The following SGCZ variants were observed in gnomAD, a reference collection of about 807,000 sequenced individuals.
The protein encoded by SGCZ is sarcoglycan zeta, also known as zeta-sarcoglycan.
SGCZ carries 40 observed loss-of-function variants against 41.3 expected under a neutral mutation model. The ratio of observed to expected loss-of-function variants is 0.97; its 90% confidence interval spans 0.75 to 1.26. SGCZ has a LOEUF of 1.26. Ranked by LOEUF, SGCZ falls within the 50% of genes most tolerant of loss-of-function variation. The probability of loss-of-function intolerance (pLI) is 0.00; values close to 1 mark genes in which losing one functional copy is unlikely to be tolerated. For missense variants in SGCZ, 552 were observed against 369.8 expected, an observed-to-expected ratio of 1.49 and a Z score of -4.04; for synonymous variants, 206 against 137.5, an observed-to-expected ratio of 1.50 and a Z score of -3.49.
intron 2 of SGCZ, among the ~76,000 whole-genome samples, chr8:14,360,720 T>TGTTTCTAG (rs1281003173): frequency 1.3e-5 from 2 of 152,222 alleles, no homozygotes; most frequent in African/African-American, 4.8e-5. Context: ...GCATCTAAAT[T>TGTTTCTAG]GTTTCTAGGT....
At chr8:15,177,246 C>G (rs1800028210) in intron 1 of SGCZ, among the ~76,000 whole-genome samples, 1 of 152,112 alleles carries the variant, frequency 6.6e-6, no homozygotes, top group South Asian at 2.1e-4. Context: ...AAATAAAGGG[C>G]ATTTAGATGT....
At position 14,100,605 on chromosome 8, in the gene SGCZ, TTATATTAA is replaced by T. The variant is rs576593953; in HGVS notation, c.744+1763_744+1770del. On this transcript the variant is annotated intron_variant, in intron 7 of 7. Transcript: ENST00000382080. The stretch of plus-strand genomic sequence containing the variant: ...AAATAATATATTATATTTTATTAAT[TTATATTAA>T]TATATTAATATATTTTCAAAATATT... Among the ~76,000 whole-genome samples the T allele has an allele frequency of 1.2e-3, 177 of 142,314 alleles. 6 individuals are homozygous for T. In the South Asian group the frequency reaches 0.022, roughly 18 times the overall value. 93.4% of individuals were successfully genotyped at this position (142,314 alleles called of 152,430 possible).
chr8:14,170,188 G>T (rs934493129), intron 4 of SGCZ, among the ~76,000 whole-genome samples: 1 of 145,152 alleles, frequency 6.9e-6, no homozygotes, highest in African/African-American at 2.6e-5. Flanking sequence ...ATCTCCCCCC[G>T]CACCGAATCC....
chr8:14,383,921 ATT>A (rs35960880), intron 2 of SGCZ, among the ~76,000 whole-genome samples: 5 of 148,404 alleles, frequency 3.4e-5, no homozygotes, highest in African/African-American at 9.8e-5. Context: ...TTGTTTTGAG[ATT>A]TTTTTTTTAA....
intron 3 of SGCZ, among the ~76,000 whole-genome samples, chr8:14,308,105 T>C (rs1801405082): frequency 6.6e-6 from 1 of 152,106 alleles, no homozygotes; most frequent in Non-Finnish European, 1.5e-5. Context: ...GAACTTGCTA[T>C]TTCAAAGCAA....
intron 2 of SGCZ, among the ~76,000 whole-genome samples, chr8:14,410,479 A>G (rs1799329832): frequency 6.6e-6 from 1 of 152,008 alleles, no homozygotes; most frequent in Admixed American, 6.6e-5. Flanking sequence ...CAAAATTCAC[A>G]GAAGGATGGA....
chr8:14,556,814 T>C (rs1425428752), intron 1 of SGCZ, among the ~76,000 whole-genome samples: 1 of 152,106 alleles, frequency 6.6e-6, no homozygotes, highest in Non-Finnish European at 1.5e-5. Flanking sequence ...ACTGTACATA[T>C]ATATACCACA....
intron 3 of SGCZ, among the ~76,000 whole-genome samples, chr8:14,284,248 C>T (rs1800543802): frequency 6.6e-6 from 1 of 152,080 alleles, no homozygotes; most frequent in Non-Finnish European, 1.5e-5. Context: ...AAAAGTTCGC[C>T]AAGGGTGGTG....
At chr8:14,896,558 A>C (rs145060507) in intron 1 of SGCZ, among the ~76,000 whole-genome samples, 9,874 of 151,294 alleles carry the variant, frequency 0.065, 610 homozygotes, top group African/African-American at 0.17. Context: ...CTCACTGCAA[A>C]CTCCACCTCT....
intron 1 of SGCZ, among the ~76,000 whole-genome samples, chr8:14,725,364 T>C (rs1347033509): frequency 2.6e-5 from 4 of 152,228 alleles, no homozygotes; most frequent in African/African-American, 9.6e-5. Context: ...GTGAAATTGC[T>C]GGATCATATG....
chr8:15,224,121 G>T (rs1314185746), intron 1 of SGCZ, among the ~76,000 whole-genome samples: 1 of 152,132 alleles, frequency 6.6e-6, no homozygotes, highest in Non-Finnish European at 1.5e-5. Context: ...CTCCCAAAGT[G>T]CTGGGATAAC....
chr8:14,643,342 A>G (rs1161097616), intron 1 of SGCZ, among the ~76,000 whole-genome samples: 1 of 151,628 alleles, frequency 6.6e-6, no homozygotes, highest in East Asian at 1.9e-4. Context: ...GTCATCTATT[A>G]GAGATATATT....
In SGCZ at chr8:14,978,022, C is replaced by G. The variant is rs1002999958; in HGVS notation, c.39+259563G>C. Among the ~76,000 whole-genome samples, 3 of 152,080 alleles carry G rather than the reference C, an allele frequency of 2.0e-5. No homozygotes were observed. The South Asian group carries it at 6.2e-4, about 32-fold the overall frequency. The stretch of plus-strand genomic sequence containing the variant: ...ATGTCATGCTATCATCTTTTGTCCT[C>G]TGTTGACCTCATATTTATAGCTCTG... On this transcript the variant is annotated intron_variant, in intron 1 of 7. Coordinates refer to ENST00000382080, the MANE Select transcript of SGCZ (RefSeq NM_139167.4).
intron 2 of SGCZ, among the ~76,000 whole-genome samples, chr8:14,533,954 A>T (rs1803215322): frequency 6.6e-6 from 1 of 151,990 alleles, no homozygotes; most frequent in African/African-American, 2.4e-5. Context: ...ATAATGAAGA[A>T]AGACAGCTGA....
At chr8:14,831,629 CAT>C (rs1491570490) in intron 1 of SGCZ, among the ~76,000 whole-genome samples, 4,701 of 122,250 alleles carry the variant, frequency 0.038, 253 homozygotes, top group African/African-American at 0.13. Context: ...CACATAGACA[CAT>C]ATGTGTGTGT....
At chr8:14,506,184 C>A (rs13279315) in intron 2 of SGCZ, among the ~76,000 whole-genome samples, 3 of 126,516 alleles carry the variant, frequency 2.4e-5, no homozygotes, top group African/African-American at 8.0e-5. Flanking sequence ...AAAAAACAAA[C>A]AAACAAACAA....
intron 1 of SGCZ, among the ~76,000 whole-genome samples, chr8:15,194,142 A>G (rs938922257): frequency 1.3e-5 from 2 of 151,380 alleles, no homozygotes; most frequent in Non-Finnish European, 2.9e-5. Flanking sequence ...CTTCTTATCC[A>G]ATGGGCTACT....
At chr8:15,170,832 G>T (rs919183712) in intron 1 of SGCZ, among the ~76,000 whole-genome samples, 9 of 152,178 alleles carry the variant, frequency 5.9e-5, no homozygotes, top group African/African-American at 2.2e-4. Flanking sequence ...TATATAAAAT[G>T]AATGAAGAAG....
chr8:14,728,687 T>C (rs1334122639), intron 1 of SGCZ, among the ~76,000 whole-genome samples: 1 of 152,182 alleles, frequency 6.6e-6, no homozygotes, highest in Non-Finnish European at 1.5e-5. Flanking sequence ...TCAATCAGTA[T>C]AGAAAATCAT....
Sources: allele counts gnomAD v4.1 joint callset (sites outside exome capture counted in the v4.1 genomes callset), GRCh38; gene constraint gnomAD v4.1.1; transcripts MANE v1.5; gene names NCBI Gene and HGNC (gene_info 2026-07-23, HGNC 2026-07-21).